Variants in KLF12 observed in about 807,000 individuals in gnomAD.
KLF12 encodes Krueppel-like factor 12.
KLF12 carries 9 observed loss-of-function variants against 37.8 expected under a neutral mutation model. The observed-to-expected ratio is 0.24, with a 90% confidence interval of 0.14 to 0.42. The LOEUF (loss-of-function observed/expected upper bound fraction) is 0.42. KLF12 is among the 10% of genes least tolerant of loss of function. The pLI, the probability that KLF12 is intolerant of heterozygous loss-of-function variation, is 1.00. For synonymous variants in KLF12, 208 were observed against 202.1 expected (o/e 1.03, Z -0.25); for missense variants, 411 against 516.0 (o/e 0.80, Z 1.97).
chr13:73,931,068 G>A (rs1004227550), intron 3 of KLF12, among the ~76,000 whole-genome samples: 13 of 151,948 alleles, frequency 8.6e-5, no homozygotes, highest in Non-Finnish European at 1.8e-4. Context: ...ATGTTGGTCA[G>A]GCTGGTCTCA....
chr13:74,047,522 G>A (rs375787412), intron 1 of KLF12, among the ~76,000 whole-genome samples: 24 of 151,872 alleles, frequency 1.6e-4, no homozygotes, highest in East Asian at 7.8e-4. Context: ...GAGTGAACCC[G>A]GGAGGCAGAG....
chr13:73,704,136 C>T (rs1874751997), intron 7 of KLF12, among the ~76,000 whole-genome samples: 1 of 152,086 alleles, frequency 6.6e-6, no homozygotes, highest in Non-Finnish European at 1.5e-5. Context: ...TAAACGTTTC[C>T]AAAGATTTTG....
the KLF12 span, among the ~76,000 whole-genome samples, chr13:74,141,462 T>G: frequency 6.6e-6 from 1 of 152,182 alleles, no homozygotes; most frequent in Non-Finnish European, 1.5e-5. Context: ...ATTATGATAC[T>G]GATTTCCATA....
At chr13:74,265,559 G>T in the KLF12 span, among the ~76,000 whole-genome samples, 1 of 152,090 alleles carries the variant, frequency 6.6e-6, no homozygotes, top group Admixed American at 6.6e-5. Flanking sequence ...TAAGATAATG[G>T]CTCCCAAATT....
At chr13:74,243,529 C>A in the KLF12 span, among the ~76,000 whole-genome samples, 1 of 152,150 alleles carries the variant, frequency 6.6e-6, no homozygotes, top group African/African-American at 2.4e-5. Context: ...GGAATTGTCA[C>A]ACTGTTTTCC....
chr13:74,107,862 G>A (rs967565544), intron 1 of KLF12, among the ~76,000 whole-genome samples: 7 of 152,168 alleles, frequency 4.6e-5, no homozygotes, highest in Non-Finnish European at 4.4e-5. Context: ...ACAACTGATC[G>A]AGACAATTGA....
chr13:74,272,238 G>A, the KLF12 span, among the ~76,000 whole-genome samples: 2 of 152,068 alleles, frequency 1.3e-5, no homozygotes, highest in Non-Finnish European at 2.9e-5. Flanking sequence ...AAGATTAATA[G>A]TCAATTTAGT....
chr13:73,832,867 A>G (rs943207773), intron 4 of KLF12, among the ~76,000 whole-genome samples: 1 of 152,172 alleles, frequency 6.6e-6, no homozygotes. Context: ...TTAAATCAAA[A>G]CAGCTTGCTA....
intron 6 of KLF12, among the ~76,000 whole-genome samples, chr13:73,736,844 G>C (rs924113176): frequency 6.6e-6 from 1 of 152,076 alleles, no homozygotes; most frequent in East Asian, 1.9e-4. Flanking sequence ...GAAAGAGAAT[G>C]ACCAAAACAA....
intron 3 of KLF12, among the ~76,000 whole-genome samples, chr13:73,856,017 G>C (rs1885590162): frequency 6.6e-6 from 1 of 152,094 alleles, no homozygotes; most frequent in Admixed American, 6.5e-5. Context: ...GGCCCTTTTT[G>C]GACTACAACT....
chr13:73,699,118 G>A (rs1326540376), intron 7 of KLF12, among the ~76,000 whole-genome samples: 2 of 151,944 alleles, frequency 1.3e-5, no homozygotes, highest in Non-Finnish European at 2.9e-5. Flanking sequence ...CAGCTACTTG[G>A]GAAGCTGAGG....
rs544993228 is a variant in KLF12 at position 73,764,244 on chromosome 13, T to G, written c.869+694A>C. Reference sequence around the variant, plus strand: ...TTTTTTTCCTTAATAACACATTATGTGTTAAAAGGTTAACTTTGTGGAATG... The same window carrying G: ...TTTTTTTCCTTAATAACACATTATGGGTTAAAAGGTTAACTTTGTGGAATG... On this transcript the variant is annotated intron_variant, in intron 6 of 7. Transcript: ENST00000377669. 2.6e-5 allele frequency among the ~76,000 whole-genome samples: 4 copies of G among 152,304 alleles called. No individual in the cohort carries two copies. In the South Asian group the frequency reaches 8.3e-4, roughly 32 times the overall value.
chr13:74,261,203 T>C, the KLF12 span, among the ~76,000 whole-genome samples: 1 of 152,238 alleles, frequency 6.6e-6, no homozygotes, highest in African/African-American at 2.4e-5. Context: ...GACCTAGTGG[T>C]TAACAGAATA....
At chr13:73,752,636 C>T (rs1878844926) in intron 6 of KLF12, among the ~76,000 whole-genome samples, 1 of 152,126 alleles carries the variant, frequency 6.6e-6, no homozygotes, top group Admixed American at 6.6e-5. Flanking sequence ...TTCTCTCCTT[C>T]TGTGGATACC....
chr13:74,131,496 A>G (rs1340402756), intron 1 of KLF12, among the ~76,000 whole-genome samples: 3 of 152,242 alleles, frequency 2.0e-5, no homozygotes, highest in Non-Finnish European at 4.4e-5. Context: ...CAAATGCTAT[A>G]CCAGGACCAT....
intron 3 of KLF12, among the ~76,000 whole-genome samples, chr13:73,851,103 T>C (rs1885311874): frequency 6.6e-6 from 1 of 152,272 alleles, no homozygotes; most frequent in African/African-American, 2.4e-5. Flanking sequence ...TTGTGAAGAT[T>C]GGGTTAATGG....
chr13:73,853,115 C>T (rs1464792323), intron 3 of KLF12, among the ~76,000 whole-genome samples: 2 of 152,052 alleles, frequency 1.3e-5, no homozygotes, highest in African/African-American at 4.8e-5. Flanking sequence ...GATCCGCCTC[C>T]CTCGGCCTCC....
the KLF12 span, among the ~76,000 whole-genome samples, chr13:74,214,821 G>A: frequency 6.6e-6 from 1 of 151,668 alleles, no homozygotes; most frequent in Admixed American, 6.6e-5. Context: ...TTGAGATGGA[G>A]TCTCACTCTG....
intron 6 of KLF12, among the ~76,000 whole-genome samples, chr13:73,764,312 T>C (rs1566351591): frequency 1.3e-5 from 2 of 152,134 alleles, no homozygotes; most frequent in Non-Finnish European, 2.9e-5. Flanking sequence ...ACTTTTTTTG[T>C]TGTTTCGCAT....
Sources: allele counts gnomAD v4.1 joint callset (sites outside exome capture counted in the v4.1 genomes callset), GRCh38; gene constraint gnomAD v4.1.1; transcripts MANE v1.5; gene names NCBI Gene and HGNC (gene_info 2026-07-23, HGNC 2026-07-21).